Variants in NUP210L observed in about 807,000 individuals in gnomAD.
The protein encoded by NUP210L is nuclear pore membrane glycoprotein 210-like.
Under a neutral mutation model 208.5 loss-of-function variants are expected in NUP210L, and 74 were observed. That is an observed-to-expected ratio of 0.35 (90% CI 0.29 to 0.43). The LOEUF (loss-of-function observed/expected upper bound fraction) is 0.43, where lower values mean the gene tolerates loss of function less well. NUP210L is among the 20% of genes least tolerant of loss of function. The probability of loss-of-function intolerance (pLI) is 1.00; values close to 1 mark genes in which losing one functional copy is unlikely to be tolerated. For missense variants in NUP210L, 1,843 were observed against 2,289.4 expected, an observed-to-expected ratio of 0.81 and a Z score of 3.98; for synonymous variants, 780 against 816.9, an observed-to-expected ratio of 0.95 and a Z score of 0.77.
chr1:154,139,058 A>G (rs1658698503), intron 5 of NUP210L, among the ~76,000 whole-genome samples: 1 of 152,130 alleles, frequency 6.6e-6, no homozygotes, highest in South Asian at 2.1e-4. Context: ...ACTTGAGGCC[A>G]GAAGTTTGAA....
chr1:154,066,575 C>T (rs1468698505), intron 17 of NUP210L, among the ~76,000 whole-genome samples: 1 of 152,206 alleles, frequency 6.6e-6, no homozygotes, highest in Non-Finnish European at 1.5e-5. Flanking sequence ...AGTGCCCCTG[C>T]ACTCCGGCTT....
exon 31 of NUP210L, chr1:154,023,193 A>G: frequency 6.2e-7 from 1 of 1,614,076 alleles, no homozygotes; most frequent in Non-Finnish European, 8.5e-7. Flanking sequence ...AAAACTGAAC[A>G]GTGAAGGTAA....
chr1:154,104,129 T>C, exon 13 of NUP210L: 1 of 1,613,932 alleles, frequency 6.2e-7, no homozygotes, highest in Non-Finnish European at 8.5e-7. Flanking sequence ...TACATTGCAA[T>C]GGGTATTTCT....
intron 2 of NUP210L, among the ~76,000 whole-genome samples, chr1:154,146,863 A>G (rs1039647826): frequency 1.9e-4 from 29 of 152,092 alleles, no homozygotes; most frequent in African/African-American, 6.5e-4. Flanking sequence ...TCACTCTGTC[A>G]CCGAGGCTGG....
At chr1:154,119,140 C>T (rs932161581) in intron 10 of NUP210L, among the ~76,000 whole-genome samples, 1 of 151,688 alleles carries the variant, frequency 6.6e-6, no homozygotes, top group Admixed American at 6.6e-5. Context: ...GAAGAAAGAC[C>T]CCTGGACATC....
chr1:154,122,376 GC>G (rs1044987526), intron 10 of NUP210L, among the ~76,000 whole-genome samples: 1 of 152,140 alleles, frequency 6.6e-6, no homozygotes, highest in African/African-American at 2.4e-5. Context: ...AACAAAACAG[GC>G]CCAGCGCGGT....
intron 10 of NUP210L, among the ~76,000 whole-genome samples, chr1:154,125,620 TGAAAGGAA>T (rs1657859581): frequency 3.1e-5 from 2 of 64,244 alleles, no homozygotes; most frequent in Non-Finnish European, 6.1e-5. Context: ...AGGCCCTCTC[TGAAAGGAA>T]GGAAGGAAGG....
intron 15 of NUP210L, among the ~76,000 whole-genome samples, chr1:154,090,027 T>A (rs1655822340): frequency 6.6e-6 from 1 of 151,876 alleles, no homozygotes; most frequent in East Asian, 1.9e-4. Context: ...CAGTGAGCCA[T>A]GTTCATGCCA....
rs761761554 is a variant in NUP210L at position 154,010,865 on chromosome 1, C to T, written c.4781-744G>A. Reference sequence around the variant, plus strand: ...AGCCTTGGCAACAAGAGCGAAACTCCGTCTCAAATAAATAAATAAATAAAT... The same window carrying T: ...AGCCTTGGCAACAAGAGCGAAACTCTGTCTCAAATAAATAAATAAATAAAT... On this transcript the variant is annotated intron_variant, in intron 34 of 39. Coordinates refer to ENST00000368559, the Ensembl canonical transcript of NUP210L. Among the ~76,000 whole-genome samples, 4 of 151,348 alleles carry T rather than the reference C, an allele frequency of 2.6e-5. No individual in the cohort carries two copies. In the South Asian group the frequency reaches 6.3e-4, roughly 24 times the overall value.
chr1:154,061,139 AG>A (rs1189614273), intron 18 of NUP210L, 93 bp from the exon 19 acceptor site: 7 of 799,270 alleles, frequency 8.8e-6, no homozygotes, highest in Non-Finnish European at 1.4e-5. Context: ...GCACTTTGGG[AG>A]GGTAAGGCAG....
At chr1:154,025,578 A>T (rs752115110) in exon 30 of NUP210L, 2 of 1,612,778 alleles carry the variant, frequency 1.2e-6, no homozygotes, top group African/African-American at 2.7e-5. Flanking sequence ...TGACTCCAAA[A>T]GGTTCTATAG....
chr1:154,062,073 G>T (rs112965787), intron 17 of NUP210L, among the ~76,000 whole-genome samples: 2 of 151,992 alleles, frequency 1.3e-5, no homozygotes, highest in Non-Finnish European at 2.9e-5. Flanking sequence ...TGATCTGCCC[G>T]CCTCGGCCTC....
At chr1:154,025,949 G>A (rs1651854348) in intron 29 of NUP210L, among the ~76,000 whole-genome samples, 1 of 152,046 alleles carries the variant, frequency 6.6e-6, no homozygotes, top group Non-Finnish European at 1.5e-5. Context: ...TAGGCCGGGT[G>A]TGGTGGCTCA....
intron 16 of NUP210L, among the ~76,000 whole-genome samples, chr1:154,077,429 A>G (rs1655094766): frequency 6.6e-6 from 1 of 152,072 alleles, no homozygotes; most frequent in South Asian, 2.1e-4. Context: ...CAACAATTCT[A>G]TATTGGGCAG....
intron 5 of NUP210L, 98 bp downstream of exon 5, chr1:154,139,702 AAC>A: frequency 1.2e-6 from 1 of 867,688 alleles, no homozygotes; most frequent in Non-Finnish European, 1.8e-6. Flanking sequence ...AAAAAAAAAA[AAC>A]AGGGCGGGTA....
At chr1:154,103,708 G>A (rs1292011216) in intron 13 of NUP210L, among the ~76,000 whole-genome samples, 8 of 149,576 alleles carry the variant, frequency 5.3e-5, no homozygotes, top group Non-Finnish European at 1.0e-4. Flanking sequence ...AAACAAAAGC[G>A]AGACACTGTC....
chr1:154,005,528 T>C (rs1273318955), intron 35 of NUP210L, among the ~76,000 whole-genome samples: 1 of 149,750 alleles, frequency 6.7e-6, no homozygotes, highest in Admixed American at 6.7e-5. Flanking sequence ...GCGCCCAGTG[T>C]TTGTTTGTTT....
chr1:154,010,412 C>T (rs181537403), intron 34 of NUP210L, among the ~76,000 whole-genome samples: 172 of 152,102 alleles, frequency 1.1e-3, no homozygotes, highest in Non-Finnish European at 1.6e-3. Context: ...CTTGCTCTGT[C>T]GCCCAGTCTG....
rs566694201 is a variant in NUP210L, at chr1:154,003,642, G to A, written c.4931-1657C>T. ...CTCAGAGCTAGGGCTACAGGTGCGCGCCACCATGCCTGGCTATTTTATTTT... is the reference window on the plus strand; with the variant it reads ...CTCAGAGCTAGGGCTACAGGTGCGCACCACCATGCCTGGCTATTTTATTTT... On this transcript the variant is annotated intron_variant, in intron 35 of 39. Transcript: ENST00000368559. 3.0e-4 allele frequency among the ~76,000 whole-genome samples: 46 copies of A among 152,036 alleles called. No individual in the cohort carries two copies. In the South Asian group the frequency reaches 8.5e-3, roughly 28 times the overall value.
Sources: allele counts gnomAD v4.1 joint callset (sites outside exome capture counted in the v4.1 genomes callset), GRCh38; gene constraint gnomAD v4.1.1; transcripts MANE v1.5; gene names NCBI Gene and HGNC (gene_info 2026-07-23, HGNC 2026-07-21).